Variants in RIMS1 observed in about 807,000 individuals in gnomAD.
The protein encoded by RIMS1 is regulating synaptic membrane exocytosis protein 1.
RIMS1 carries 83 observed loss-of-function variants against 214.1 expected under a neutral mutation model. The ratio of observed to expected loss-of-function variants is 0.39; its 90% confidence interval spans 0.32 to 0.47. RIMS1 has a LOEUF of 0.47. Ranked by LOEUF, RIMS1 falls within the 20% of genes least tolerant of loss-of-function variation. RIMS1 has a pLI of 0.99. For missense variants in RIMS1, 2,050 were observed against 2,161.8 expected (o/e 0.95, Z 1.03); for synonymous variants, 793 against 786.8 (o/e 1.01, Z -0.13).
intron 2 of RIMS1, among the ~76,000 whole-genome samples, chr6:72,075,858 A>G (rs762004812): frequency 2.0e-5 from 3 of 152,208 alleles, no homozygotes; most frequent in Admixed American, 6.5e-5. Flanking sequence ...TTAAAATTAA[A>G]TAGTAAGAAT....
chr6:72,089,720 G>A (rs1471797436), intron 2 of RIMS1, among the ~76,000 whole-genome samples: 1 of 150,034 alleles, frequency 6.7e-6, no homozygotes, highest in African/African-American at 2.4e-5. Context: ...ACATGCACAC[G>A]TATGTTTATT....
chr6:71,894,787 TA>T (rs1562138033), intron 1 of RIMS1, among the ~76,000 whole-genome samples: 1 of 152,216 alleles, frequency 6.6e-6, no homozygotes, highest in Non-Finnish European at 1.5e-5. Context: ...GATGTTTAGA[TA>T]GTAAAATAAG....
intron 2 of RIMS1, among the ~76,000 whole-genome samples, chr6:71,972,007 C>T (rs1013688336): frequency 6.6e-6 from 1 of 152,006 alleles, no homozygotes; most frequent in African/African-American, 2.4e-5. Flanking sequence ...ACCTTTAGCA[C>T]TCAGTTAACT....
At chr6:72,252,516 A>T (rs910801236) in intron 15 of RIMS1, among the ~76,000 whole-genome samples, 1 of 152,118 alleles carries the variant, frequency 6.6e-6, no homozygotes, top group Admixed American at 6.6e-5. Context: ...TTAATCTGAA[A>T]ATCTTATTCT....
chr6:72,188,457 A>C (rs1186913162), intron 6 of RIMS1, among the ~76,000 whole-genome samples: 1 of 152,236 alleles, frequency 6.6e-6, no homozygotes, highest in Non-Finnish European at 1.5e-5. Flanking sequence ...AATAAATCTT[A>C]TGTCACATGA....
In RIMS1 at chr6:71,921,974, A is replaced by G. The variant is rs1780141206; in HGVS notation, c.164+34787A>G. Among the ~76,000 whole-genome samples the G allele has an allele frequency of 2.6e-5, 4 of 152,316 alleles. No homozygotes were observed. The South Asian group carries it at 8.3e-4, about 32-fold the overall frequency. On this transcript the variant is annotated intron_variant, in intron 1 of 33. Transcript: ENST00000521978. ...TTTTGTTTTGGTTGCCAAGAAAACCAGAACTAAATTTGCATCTTACCTTTA... is the reference window on the plus strand; with the variant it reads ...TTTTGTTTTGGTTGCCAAGAAAACCGGAACTAAATTTGCATCTTACCTTTA...
At chr6:72,293,156 T>C (rs2093642241) in intron 26 of RIMS1, among the ~76,000 whole-genome samples, 1 of 151,642 alleles carries the variant, frequency 6.6e-6, no homozygotes, top group African/African-American at 2.4e-5. Flanking sequence ...AACTTATTAA[T>C]AGAGTAACAC....
chr6:72,092,061 G>A (rs1257690681), intron 2 of RIMS1, among the ~76,000 whole-genome samples: 1 of 152,168 alleles, frequency 6.6e-6, no homozygotes, highest in African/African-American at 2.4e-5. Context: ...TTCACTACCA[G>A]TATCTTGCTT....
At chr6:72,271,736 A>C (rs767414110) in intron 22 of RIMS1, among the ~76,000 whole-genome samples, 200 of 152,174 alleles carry the variant, frequency 1.3e-3, no homozygotes, top group Non-Finnish European at 1.0e-3. Flanking sequence ...AGCACTGTCT[A>C]TTTCTTGGTT....
chr6:72,291,740 A>G (rs562882471), intron 25 of RIMS1, among the ~76,000 whole-genome samples, 194 bp from the exon 26 acceptor site: 1 of 152,338 alleles, frequency 6.6e-6, no homozygotes, highest in Admixed American at 6.5e-5. Flanking sequence ...TGTGTGGTGC[A>G]CATTGCCCTA....
chr6:71,949,709 G>C (rs1788885477), intron 1 of RIMS1, among the ~76,000 whole-genome samples: 1 of 152,150 alleles, frequency 6.6e-6, no homozygotes, highest in Non-Finnish European at 1.5e-5. Context: ...TTAATTATAA[G>C]ATCTCCATTT....
intron 26 of RIMS1, among the ~76,000 whole-genome samples, chr6:72,302,320 A>G (rs541866366): frequency 5.3e-5 from 8 of 151,788 alleles, no homozygotes; most frequent in African/African-American, 1.7e-4. Context: ...AGAGACTAGT[A>G]TTGTATTTTT....
At chr6:72,262,627 AT>A in intron 19 of RIMS1, 1 of 920,310 alleles carries the variant, frequency 1.1e-6, no homozygotes, top group Non-Finnish European at 1.3e-6. Flanking sequence ...CTGTGTTTAT[AT>A]TCATGTATTT....
At position 72,193,592 on chromosome 6, in the gene RIMS1, A is replaced by AT. The variant is rs1231800270; in HGVS notation, c.1678+10447dup. ...ACTCCACCATTGCCTACTAAGGGTGATTTTGGGAACCAGCCATGATAATCT... is the reference window on the plus strand; with the variant it reads ...ACTCCACCATTGCCTACTAAGGGTGATTTTTGGGAACCAGCCATGATAATCT... On this transcript the variant is annotated intron_variant, in intron 6 of 33. Coordinates refer to ENST00000521978, the MANE Select transcript of RIMS1 (RefSeq NM_014989.7). Among the ~76,000 whole-genome samples, 3 of 152,168 alleles carry AT rather than the reference A, an allele frequency of 2.0e-5. No individual in the cohort carries two copies. In the East Asian group the frequency reaches 5.8e-4, roughly 29 times the overall value.
intron 1 of RIMS1, among the ~76,000 whole-genome samples, chr6:71,917,097 C>G (rs532526991): frequency 6.6e-6 from 1 of 152,168 alleles, no homozygotes; most frequent in Non-Finnish European, 1.5e-5. Context: ...GCTTGTTTCT[C>G]TATATGTAAA....
intron 1 of RIMS1, among the ~76,000 whole-genome samples, chr6:71,947,875 G>A (rs1297791688): frequency 1.3e-5 from 2 of 152,018 alleles, no homozygotes; most frequent in East Asian, 3.9e-4. Context: ...ATATATGAAT[G>A]TACTATATAT....
At chr6:71,975,819 A>G (rs1160112222) in intron 2 of RIMS1, among the ~76,000 whole-genome samples, 1 of 152,046 alleles carries the variant, frequency 6.6e-6, no homozygotes, top group Non-Finnish European at 1.5e-5. Flanking sequence ...ATGGAATCAT[A>G]TTATATGTGT....
intron 2 of RIMS1, among the ~76,000 whole-genome samples, chr6:72,083,028 C>G (rs551692926): frequency 4.2e-4 from 64 of 152,124 alleles, no homozygotes; most frequent in Admixed American, 1.3e-3. Flanking sequence ...ATGTTGAAAG[C>G]TCCCCTCCCT....
intron 28 of RIMS1, among the ~76,000 whole-genome samples, chr6:72,322,986 T>C (rs2096253427): frequency 6.6e-6 from 1 of 152,012 alleles, no homozygotes; most frequent in African/African-American, 2.4e-5. Context: ...CAAGCACAAA[T>C]TCCAGCAGCT....
Sources: allele counts gnomAD v4.1 joint callset (sites outside exome capture counted in the v4.1 genomes callset), GRCh38; gene constraint gnomAD v4.1.1; transcripts MANE v1.5; gene names NCBI Gene and HGNC (gene_info 2026-07-23, HGNC 2026-07-21).